Variants in COL12A1 observed in about 807,000 individuals in gnomAD.
COL12A1 encodes the protein collagen alpha-1(XII) chain.
COL12A1 carries 114 observed loss-of-function variants against 349.7 expected under a neutral mutation model. The observed-to-expected ratio is 0.33, with a 90% CI of 0.28 to 0.38. The LOEUF is 0.38. Ranked by LOEUF, COL12A1 falls within the 10% of genes least tolerant of loss-of-function variation. The pLI is 1.00. For missense variants in COL12A1, 3,284 were observed against 3,756.9 expected, an observed-to-expected ratio of 0.87 and a Z score of 3.29; for synonymous variants, 1,369 against 1,329.0, an observed-to-expected ratio of 1.03 and a Z score of -0.66.
rs777425494 is a variant in COL12A1 at position 75,087,650 on chromosome 6, T to A, written c.9108A>T (p.Gly3036=). ...PGRPGNSGIR[G]PPGPPGYCDS... is the part of the protein sequence containing the mutation. ...CACAGTATCCAGGAGGACCTGGGGG[T>A]CCTCGGATACCTGAGTTTCCAGGAC... The change falls in exon 65 of 66, where the codon GGA becomes GGT. Residue 3036 remains glycine, a synonymous_variant. Coordinates refer to ENST00000322507, the MANE Select transcript of COL12A1 (RefSeq NM_004370.6). 5 of 1,610,472 alleles carry A rather than the reference T, an allele frequency of 3.1e-6. No individual in the cohort carries two copies. Among genetic ancestry groups the A allele is most frequent in the East Asian group, 2.2e-5 (1 of 44,696 alleles).
chr6:75,160,367 G>C (rs1472962489), intron 14 of COL12A1, among the ~76,000 whole-genome samples: 2 of 152,114 alleles, frequency 1.3e-5, no homozygotes, highest in Non-Finnish European at 2.9e-5. Flanking sequence ...CTGAGTTTCA[G>C]GTGAAAGCAA....
intron 59 of COL12A1, 141 bp downstream of exon 59, chr6:75,097,112 A>T (rs1231381369): frequency 1.3e-5 from 7 of 525,298 alleles, no homozygotes; most frequent in Admixed American, 3.4e-5. Flanking sequence ...GCACATTTTG[A>T]TGTAGGTAAA....
Position 75,192,299 on chromosome 6 carries a change from C to T in COL12A1, c.247G>A (p.Glu83Lys), listed in dbSNP as rs1478580283. ...ACATACTCTGTTTCAGGTACAAGTT[C>T]TGACAATAAAGTTTCAGTGGTACTA... ...SASTTETLLS[E>K]LVPETEYVVT... Residue 83 changes from glutamate (E) to lysine (K), a missense_variant, in exon 4 of 66, where the codon GAA (glutamate) becomes AAA (lysine). Glu to Lys is a moderately conservative substitution (Grantham distance 56). Around this residue, in one of 2 missense-constraint regions of COL12A1, gnomAD observed 2,601 missense variants for 2,824.8 expected, o/e 0.92. Transcript: ENST00000322507. The T allele has an allele frequency of 6.2e-7, 1 of 1,611,784 alleles. No homozygotes were observed. The highest frequency in any genetic ancestry group is 8.5e-7 in the Non-Finnish European group (1 of 1,178,622).
chr6:75,109,144 T>G lies in COL12A1; in HGVS notation c.7974A>C (p.Lys2658Asn). ...AGCAGTCAATGTAAATCTTAACACTTTTTGAGGTCACTACAATATGAACCT... is the reference window on the plus strand; with the variant it reads ...AGCAGTCAATGTAAATCTTAACACTGTTTGAGGTCACTACAATATGAACCT... Reference protein sequence around the residue: ...FHKVHIVVTSKSVKIYIDCYE... With the variant: ...FHKVHIVVTSNSVKIYIDCYE... The change falls in exon 52 of 66, where the codon AAA (lysine) becomes AAC (asparagine). Residue 2658 changes from lysine (K) to asparagine (N), a missense_variant. By Grantham distance (94) the Lys-to-Asn change is moderately conservative. Transcript: ENST00000322507. 2 of 1,597,326 alleles carry G rather than the reference T, an allele frequency of 1.3e-6. No homozygotes were observed. Among genetic ancestry groups the G allele is most frequent in the Non-Finnish European group, 1.7e-6 (2 of 1,168,998 alleles).
chr6:75,093,862 C>T (rs1246691718), intron 60 of COL12A1, among the ~76,000 whole-genome samples: 1 of 152,110 alleles, frequency 6.6e-6, no homozygotes. Context: ...CTTCTAGCTA[C>T]AGCCATCAAT....
rs1226621275 is a variant in COL12A1 at position 75,084,966 on chromosome 6, TA to T, written c.*1580del. On this transcript the variant is annotated 3_prime_UTR_variant, in exon 66 of 66. Coordinates refer to ENST00000322507, the MANE Select transcript of COL12A1 (RefSeq NM_004370.6). ...CTCTTTGCAGCTTTTGTTAACAAAG[TA>T]TTTTGCAAGCATTTCAAGGGCAAAG... 1 of 281,216 alleles carries T rather than the reference TA, an allele frequency of 3.6e-6. No individual in the cohort carries two copies. Among genetic ancestry groups the T allele is most frequent in the Non-Finnish European group, 7.3e-6 (1 of 136,852 alleles). 17.4% of individuals were successfully genotyped at this position (281,216 alleles called of 1,614,324 possible).
chr6:75,125,386 G>T (rs1765963648), intron 39 of COL12A1, 113 bp from the exon 40 acceptor site: 1 of 968,490 alleles, frequency 1.0e-6, no homozygotes, highest in African/African-American at 1.7e-5. Context: ...TAATTCCATA[G>T]TCCTCATACA....
rs1767602450 is a variant in COL12A1, at chr6:75,153,613, C to A, written c.3565+803G>T. On this transcript the variant is annotated intron_variant, in intron 17 of 65. Transcript: ENST00000322507. ...AAATGTGTCACTCATATATTATATA[C>A]TATATCAGGATTAAGGATTCCCAAA... Among the ~76,000 whole-genome samples the A allele has an allele frequency of 4.6e-5, 7 of 152,192 alleles. No homozygotes were observed. The South Asian group carries it at 1.5e-3, about 32-fold the overall frequency.
chr6:75,156,416 G>C lies in COL12A1; in HGVS notation c.3091C>G (p.Arg1031Gly), dbSNP rs575168916. 4.3e-6 allele frequency: 7 copies of C among 1,613,844 alleles called. No homozygotes were observed. The highest frequency in any genetic ancestry group is 1.3e-5 in the African/African-American group (1 of 74,902). Residue 1031 changes from arginine (R) to glycine (G), a missense_variant, in exon 15 of 66, where the codon CGC becomes GGC. Arg to Gly is a moderately radical substitution (Grantham distance 125). Coordinates refer to ENST00000322507, the MANE Select transcript of COL12A1 (RefSeq NM_004370.6). ...ATTTGCTTCCCTCTCCCATGAGGGC[G>C]ATAGACAACACGGTAGTTGACGACT... is the stretch of plus-strand genomic sequence containing the variant. ...GKVVNYRVVY[R>G]PHGRGKQMVA...
At chr6:75,180,453 A>G (rs574477235) in intron 11 of COL12A1, among the ~76,000 whole-genome samples, 1 of 152,286 alleles carries the variant, frequency 6.6e-6, no homozygotes, top group South Asian at 2.1e-4. Context: ...AGGTGAATGT[A>G]CTTAATGCCA....
At chr6:75,177,617 G>A in intron 12 of COL12A1, 46 bp downstream of exon 12, 1 of 1,611,852 alleles carries the variant, frequency 6.2e-7, no homozygotes, top group Non-Finnish European at 8.5e-7. Context: ...TTCCCCTCTA[G>A]TCTAAGAGTT....
chr6:75,141,915 A>T (rs1352330114), intron 27 of COL12A1, 117 bp downstream of exon 27: 1 of 1,258,476 alleles, frequency 7.9e-7, no homozygotes, highest in South Asian at 1.5e-5. Flanking sequence ...TATGAATCCA[A>T]GCATTATTAA....
chr6:75,195,535 T>A (rs1018166260), intron 2 of COL12A1, among the ~76,000 whole-genome samples: 1 of 152,058 alleles, frequency 6.6e-6, no homozygotes, highest in Non-Finnish European at 1.5e-5. Flanking sequence ...TTAATGAAAA[T>A]AAGGAATCAT....
At position 75,123,329 on chromosome 6, in the gene COL12A1, C is replaced by T; in HGVS notation, c.6946+1G>A. The T allele has an allele frequency of 6.2e-7, 1 of 1,608,370 alleles. No individual in the cohort carries two copies. The highest frequency in any genetic ancestry group is 1.1e-5 in the South Asian group (1 of 89,714). On this transcript the variant is annotated splice_donor_variant, in intron 43 of 65. Coordinates refer to ENST00000322507, the MANE Select transcript of COL12A1 (RefSeq NM_004370.6). LOFTEE classifies it high-confidence loss of function. ...CGTATTGCCTATTTAGCTGTACTTA[C>T]CATCCCGGGCTGGTGGAATGGTGGG...
chr6:75,131,923 A>C lies in COL12A1; in HGVS notation c.5937+17T>G. The C allele has an allele frequency of 5.6e-6, 9 of 1,613,074 alleles. No individual in the cohort carries two copies. Among genetic ancestry groups the C allele is most frequent in the Non-Finnish European group, 7.6e-6 (9 of 1,179,386 alleles). The stretch of plus-strand genomic sequence containing the variant: ...ACATTCACCAGGAAATGCAGTTTCC[A>C]TGACAAAATTACTTACAGATTCTGA... On this transcript the variant is annotated intron_variant, in intron 35 of 65. Coordinates refer to ENST00000322507, the MANE Select transcript of COL12A1 (RefSeq NM_004370.6).
At chr6:75,149,187 C>T (rs1767355940) in intron 21 of COL12A1, among the ~76,000 whole-genome samples, 1 of 152,078 alleles carries the variant, frequency 6.6e-6, no homozygotes, top group Non-Finnish European at 1.5e-5. Flanking sequence ...ATACTTTCTC[C>T]TCTCTCTACC....
intron 26 of COL12A1, 116 bp downstream of exon 26, chr6:75,143,136 G>A: frequency 8.4e-7 from 1 of 1,190,138 alleles, no homozygotes; most frequent in Non-Finnish European, 1.2e-6. Flanking sequence ...TTTCAACACT[G>A]TGTTAACAAA....
At chr6:75,130,778 C>A in intron 36 of COL12A1, 74 bp downstream of exon 36, 1 of 1,582,522 alleles carries the variant, frequency 6.3e-7, no homozygotes, top group Non-Finnish European at 8.6e-7. Context: ...CCCCCTCCCA[C>A]CACTCATTCA....
chr6:75,133,235 T>G (rs1417211158), intron 34 of COL12A1, 58 bp downstream of exon 34: 3 of 1,464,326 alleles, frequency 2.0e-6, no homozygotes, highest in Admixed American at 4.6e-5. Context: ...CTTTATGGTC[T>G]TTATAATGAA....
Sources: gnomAD v4.1 joint callset for allele counts (sites outside exome capture counted in the v4.1 genomes callset) on GRCh38, gnomAD v4.1.1 for gene constraint, gnomAD v4.1.1 regional missense constraint, MANE v1.5 for transcripts, NCBI Gene and HGNC (gene_info 2026-07-23, HGNC 2026-07-21) for gene names.